Variants in IFT43 observed in about 807,000 individuals in gnomAD.
IFT43 encodes the protein intraflagellar transport protein 43 homolog.
A neutral mutation model predicts 32.3 loss-of-function variants in IFT43; 33 were observed. The observed-to-expected ratio is 1.02, with a 90% CI of 0.77 to 1.37. IFT43 has a LOEUF of 1.37. Ranked by LOEUF, IFT43 falls within the 40% of genes most tolerant of loss-of-function variation. The pLI is 0.00. For missense variants in IFT43, 274 were observed against 265.9 expected, an observed-to-expected ratio of 1.03 and a Z score of -0.21; for synonymous variants, 93 against 98.2, an observed-to-expected ratio of 0.95 and a Z score of 0.31.
chr14:76,038,303 T>C (rs79223303), intron 3 of IFT43, among the ~76,000 whole-genome samples: 158 of 152,286 alleles, frequency 1.0e-3, no homozygotes, highest in African/African-American at 3.8e-3. Context: ...TCTGTGGTTT[T>C]TGGAGATGCT....
At chr14:76,077,891 T>C (rs973303710) in intron 5 of IFT43, among the ~76,000 whole-genome samples, 14 of 152,204 alleles carry the variant, frequency 9.2e-5, no homozygotes, top group Non-Finnish European at 1.9e-4. Context: ...TGCCCTGTCC[T>C]CAATGCAGAA....
At chr14:76,064,721 C>T (rs1038416090) in intron 5 of IFT43, among the ~76,000 whole-genome samples, 2 of 152,130 alleles carry the variant, frequency 1.3e-5, no homozygotes, top group African/African-American at 2.4e-5. Context: ...AAGAGACTTG[C>T]GTTTTAAGTA....
chr14:76,038,967 A>G (rs2036656084), intron 3 of IFT43, among the ~76,000 whole-genome samples: 1 of 151,902 alleles, frequency 6.6e-6, no homozygotes, highest in Admixed American at 6.6e-5. Context: ...GTCCTTTCCT[A>G]CTTAGCCCCT....
chr14:76,059,303 C>A, intron 4 of IFT43, 24 bp from the exon 5 acceptor site: 1 of 1,613,850 alleles, frequency 6.2e-7, no homozygotes, highest in East Asian at 2.2e-5. Context: ...TTTTTGCTGT[C>A]CTTTTCTTCT....
At chr14:76,065,004 CAT>C (rs2037203701) in intron 5 of IFT43, among the ~76,000 whole-genome samples, 2 of 152,188 alleles carry the variant, frequency 1.3e-5, no homozygotes, top group South Asian at 4.1e-4. Context: ...GAAGTTTACA[CAT>C]GTTATAAATA....
intron 2 of IFT43, among the ~76,000 whole-genome samples, chr14:76,013,398 A>G (rs59207171): frequency 1.3e-5 from 2 of 152,214 alleles, no homozygotes; most frequent in Non-Finnish European, 2.9e-5. Flanking sequence ...TAGGTTCCCT[A>G]GCATCTGATC....
At chr14:76,042,551 C>T (rs1235432871) in intron 3 of IFT43, among the ~76,000 whole-genome samples, 2 of 152,236 alleles carry the variant, frequency 1.3e-5, no homozygotes, top group Non-Finnish European at 2.9e-5. Context: ...CCTTTGGCCT[C>T]GCTCTCTGCA....
chr14:76,081,995 G>A (rs889540525), intron 5 of IFT43, among the ~76,000 whole-genome samples: 1 of 152,142 alleles, frequency 6.6e-6, no homozygotes, highest in East Asian at 1.9e-4. Context: ...GAGATCCACT[G>A]CAGTGGCTTC....
At chr14:76,082,562 C>G in intron 6 of IFT43, 55 bp from the exon 7 acceptor site, 1 of 1,609,218 alleles carries the variant, frequency 6.2e-7, no homozygotes, top group South Asian at 1.1e-5. Flanking sequence ...CCCGGCAGCA[C>G]TCCTGGAACA....
intron 2 of IFT43, among the ~76,000 whole-genome samples, chr14:76,017,288 C>T (rs748236456): frequency 6.6e-6 from 1 of 152,124 alleles, no homozygotes; most frequent in Non-Finnish European, 1.5e-5. Flanking sequence ...AATGCTTTTT[C>T]TGCATCTATT....
At chr14:76,074,294 A>G (rs1387531061) in intron 5 of IFT43, among the ~76,000 whole-genome samples, 2 of 152,112 alleles carry the variant, frequency 1.3e-5, no homozygotes, top group African/African-American at 2.4e-5. Context: ...CGTTCCTTCT[A>G]GCCACTTTAT....
chr14:75,988,610 C>T (rs1357090650), intron 1 of IFT43, among the ~76,000 whole-genome samples: 1 of 152,156 alleles, frequency 6.6e-6, no homozygotes, highest in Non-Finnish European at 1.5e-5. Flanking sequence ...CCTCCGCCTC[C>T]CAGGTTCAAG....
At chr14:75,990,503 T>C (rs2035615932) in intron 2 of IFT43, among the ~76,000 whole-genome samples, 1 of 152,224 alleles carries the variant, frequency 6.6e-6, no homozygotes, top group South Asian at 2.1e-4. Context: ...CCCTATTATC[T>C]GTCACAGTGC....
chr14:76,020,196 A>G (rs576581479), intron 2 of IFT43, among the ~76,000 whole-genome samples: 9 of 152,288 alleles, frequency 5.9e-5, no homozygotes, highest in African/African-American at 1.9e-4. Context: ...GATGGTCTCT[A>G]TCTCCTGACC....
intron 3 of IFT43, among the ~76,000 whole-genome samples, chr14:76,054,757 G>C (rs1449743745): frequency 6.6e-6 from 1 of 152,188 alleles, no homozygotes; most frequent in Non-Finnish European, 1.5e-5. Context: ...GCAGCCCAAG[G>C]CTATACTGAT....
intron 2 of IFT43, among the ~76,000 whole-genome samples, chr14:76,006,967 C>T (rs1283250804): frequency 6.6e-6 from 1 of 150,878 alleles, no homozygotes; most frequent in East Asian, 2.0e-4. Flanking sequence ...AAGCAATCCT[C>T]CTAGATCAGC....
intron 2 of IFT43, among the ~76,000 whole-genome samples, chr14:75,997,617 A>G (rs941866972): frequency 6.6e-6 from 1 of 152,214 alleles, no homozygotes; most frequent in East Asian, 1.9e-4. Context: ...TTTTTTTGGT[A>G]TGTGAAACTT....
chr14:76,034,827 G>A (rs893496927), intron 3 of IFT43, among the ~76,000 whole-genome samples: 1 of 152,198 alleles, frequency 6.6e-6, no homozygotes, highest in Non-Finnish European at 1.5e-5. Context: ...TCCCCTTGGC[G>A]TCAGAGTCAT....
chr14:76,041,719 C>G (rs181678859), intron 3 of IFT43, among the ~76,000 whole-genome samples: 1 of 149,956 alleles, frequency 6.7e-6, no homozygotes, highest in African/African-American at 2.5e-5. Flanking sequence ...ATCTTTTACC[C>G]ACTTCAATAC....
Sources: gnomAD v4.1 joint callset for allele counts (sites outside exome capture counted in the v4.1 genomes callset) on GRCh38, gnomAD v4.1.1 for gene constraint, MANE v1.5 for transcripts, NCBI Gene and HGNC (gene_info 2026-07-23, HGNC 2026-07-21) for gene names.